LINGO2: variants seen among roughly 807,000 people sequenced by gnomAD.
LINGO2 encodes the protein leucine rich repeat and Ig domain containing 2.
In LINGO2, 14 loss-of-function variants were observed where a neutral mutation model predicts 30.6. The ratio of observed to expected loss-of-function variants is 0.46; its 90% CI spans 0.30 to 0.72. The LOEUF (loss-of-function observed/expected upper bound fraction) is 0.72. LINGO2 is among the 30% of genes least tolerant of loss of function. LINGO2 has a pLI of 0.07. For synonymous variants in LINGO2, 317 were observed against 288.5 expected (o/e 1.10, Z -1.00); for missense variants, 729 against 751.7 (o/e 0.97, Z 0.35).
At chr9:28,642,469 A>C (rs964627211) in intron 1 of LINGO2, among the ~76,000 whole-genome samples, 32 of 152,156 alleles carry the variant, frequency 2.1e-4, no homozygotes, top group Admixed American at 2.0e-3. Flanking sequence ...AAGAAAGTTG[A>C]CTTTGAAACA....
chr9:29,068,194 G>A, the LINGO2 span, among the ~76,000 whole-genome samples: 3 of 151,524 alleles, frequency 2.0e-5, no homozygotes, highest in African/African-American at 7.3e-5. Flanking sequence ...AAATAAAACA[G>A]AAATAAACAA....
intron 1 of LINGO2, among the ~76,000 whole-genome samples, chr9:28,550,877 T>G (rs993337944): frequency 5.3e-5 from 8 of 151,900 alleles, no homozygotes; most frequent in African/African-American, 1.7e-4. Flanking sequence ...CTACATATTA[T>G]TTTGGATTAC....
chr9:28,941,141 T>C, the LINGO2 span, among the ~76,000 whole-genome samples: 1 of 152,118 alleles, frequency 6.6e-6, no homozygotes, highest in African/African-American at 2.4e-5. Context: ...GGGCAATAAA[T>C]GGTAAAATTC....
At chr9:28,222,346 C>T (rs559823831) in intron 4 of LINGO2, among the ~76,000 whole-genome samples, 3 of 152,032 alleles carry the variant, frequency 2.0e-5, no homozygotes, top group East Asian at 1.9e-4. Flanking sequence ...GACATTGTTC[C>T]CATAAAATTC....
intron 4 of LINGO2, among the ~76,000 whole-genome samples, chr9:28,119,577 C>T (rs953874973): frequency 1.1e-4 from 16 of 152,154 alleles, no homozygotes; most frequent in Non-Finnish European, 2.1e-4. Flanking sequence ...ACAAAGTAAA[C>T]ATTCAGTGAC....
At chr9:29,005,257 T>A in the LINGO2 span, among the ~76,000 whole-genome samples, 2 of 151,922 alleles carry the variant, frequency 1.3e-5, no homozygotes, top group East Asian at 3.9e-4. Context: ...GTTATAAAAT[T>A]TTAATAATAC....
chr9:28,135,067 T>A lies in LINGO2; in HGVS notation c.-86-122662A>T, dbSNP rs1184977517. On this transcript the variant is annotated intron_variant, in intron 4 of 5. Transcript: ENST00000379992. Reference sequence around the variant, plus strand: ...AAAATCTTCTACATTCAACCACGAGTAACAAAACAGTAGAAGAAATAGCAT... The same window carrying A: ...AAAATCTTCTACATTCAACCACGAGAAACAAAACAGTAGAAGAAATAGCAT... 3.3e-5 allele frequency among the ~76,000 whole-genome samples: 5 copies of A among 152,022 alleles called. No individual in the cohort carries two copies. In the East Asian group the frequency reaches 9.6e-4, roughly 29 times the overall value.
intron 4 of LINGO2, among the ~76,000 whole-genome samples, chr9:28,022,663 C>G (rs1399458917): frequency 1.3e-5 from 2 of 148,304 alleles, no homozygotes; most frequent in Non-Finnish European, 3.0e-5. Flanking sequence ...TCTCTCCTTC[C>G]TTCCTTTCCT....
intron 4 of LINGO2, among the ~76,000 whole-genome samples, chr9:28,014,563 A>G (rs2119287697): frequency 6.6e-6 from 1 of 152,324 alleles, no homozygotes; most frequent in South Asian, 2.1e-4. Context: ...TTTATCCAGG[A>G]TAAGACAATT....
At chr9:28,383,363 T>C (rs1272830557) in intron 2 of LINGO2, among the ~76,000 whole-genome samples, 1 of 151,948 alleles carries the variant, frequency 6.6e-6, no homozygotes, top group East Asian at 1.9e-4. Context: ...TACTTTCTCC[T>C]CTGTTTTTAA....
At chr9:28,726,508 C>G in the LINGO2 span, among the ~76,000 whole-genome samples, 1 of 152,058 alleles carries the variant, frequency 6.6e-6, no homozygotes, top group Non-Finnish European at 1.5e-5. Flanking sequence ...CATTTATTAA[C>G]TAATGGCAAC....
the LINGO2 span, among the ~76,000 whole-genome samples, chr9:28,686,159 C>T: frequency 4.6e-5 from 7 of 152,014 alleles, no homozygotes; most frequent in African/African-American, 1.4e-4. Flanking sequence ...GGATATCACA[C>T]ATAAATATCC....
chr9:28,502,204 C>T (rs1308029087), intron 1 of LINGO2, among the ~76,000 whole-genome samples: 4 of 151,390 alleles, frequency 2.6e-5, no homozygotes, highest in Non-Finnish European at 5.9e-5. Flanking sequence ...AATCTTCTTC[C>T]AAAGATATTT....
rs558254282 is a variant in LINGO2, at chr9:28,609,458, G to C, written c.-365+60742C>G. 7.3e-5 allele frequency among the ~76,000 whole-genome samples: 11 copies of C among 151,448 alleles called. No individual in the cohort carries two copies. In the South Asian group the frequency reaches 1.0e-3, roughly 14 times the overall value. Reference sequence around the variant, plus strand: ...ACTTCTAGTTGAAAAAAAGTATATAGGTAAGCAATTCATGAAAGCAAAAAT... The same window carrying C: ...ACTTCTAGTTGAAAAAAAGTATATACGTAAGCAATTCATGAAAGCAAAAAT... On this transcript the variant is annotated intron_variant, in intron 1 of 5. Transcript: ENST00000379992.
chr9:28,393,724 C>A (rs1208278209), intron 2 of LINGO2, among the ~76,000 whole-genome samples: 1 of 152,178 alleles, frequency 6.6e-6, no homozygotes, highest in Non-Finnish European at 1.5e-5. Flanking sequence ...CTTCCAACTT[C>A]CAGCAACTCC....
At chr9:28,405,843 T>TCATC in intron 2 of LINGO2, among the ~76,000 whole-genome samples, 1 of 152,288 alleles carries the variant, frequency 6.6e-6, no homozygotes, top group East Asian at 1.9e-4. Context: ...ACTCCGTTTT[T>TCATC]CTTCCTTCCT....
At chr9:28,982,425 T>G in the LINGO2 span, among the ~76,000 whole-genome samples, 1 of 151,966 alleles carries the variant, frequency 6.6e-6, no homozygotes, top group Non-Finnish European at 1.5e-5. Context: ...ACTTCTACAA[T>G]GCAGATCAAG....
chr9:29,046,384 A>T, the LINGO2 span, among the ~76,000 whole-genome samples: 2 of 152,252 alleles, frequency 1.3e-5, no homozygotes, highest in South Asian at 4.1e-4. Flanking sequence ...ACAGCACAAT[A>T]CTTGTACAAA....
intron 4 of LINGO2, among the ~76,000 whole-genome samples, chr9:28,217,239 G>A (rs1407687209): frequency 6.6e-6 from 1 of 151,124 alleles, no homozygotes; most frequent in Non-Finnish European, 1.5e-5. Flanking sequence ...TACCTTACTT[G>A]GAATGAACTT....
Sources: allele counts gnomAD v4.1 joint callset (sites outside exome capture counted in the v4.1 genomes callset), GRCh38; gene constraint gnomAD v4.1.1; transcripts MANE v1.5; gene names NCBI Gene and HGNC (gene_info 2026-07-23, HGNC 2026-07-21).